The following CCDC170 variants were observed in gnomAD, a reference collection of about 807,000 sequenced individuals.
CCDC170 encodes coiled-coil domain-containing protein 170.
A neutral mutation model predicts 72.6 loss-of-function variants in CCDC170; 69 were observed. That is an observed-to-expected ratio of 0.95 (90% CI 0.78 to 1.16). CCDC170 has a LOEUF of 1.16. CCDC170 is among the 50% of genes most tolerant of loss of function. CCDC170 has a pLI of 0.00. For missense variants in CCDC170, 852 were observed against 832.5 expected (o/e 1.02, Z -0.29); for synonymous variants, 300 against 303.9 (o/e 0.99, Z 0.13).
chr6:151,597,087 A>G lies in CCDC170; in HGVS notation c.1710+510A>G, dbSNP rs564618749. Among the ~76,000 whole-genome samples, 229 of 152,088 alleles carry G rather than the reference A, an allele frequency of 1.5e-3. 2 individuals are homozygous for G. Among genetic ancestry groups the G allele is most frequent in the Non-Finnish European group, 1.2e-3 (83 of 68,002 alleles). On this transcript the variant is annotated intron_variant, in intron 9 of 10. Coordinates refer to ENST00000239374, the MANE Select transcript of CCDC170 (RefSeq NM_025059.4). ...GTGATCCGCCCGCCTTGGCCTCCCA[A>G]AGTGCTGGGATTACAGGCGTGAGCC...
Position 151,504,795 on chromosome 6 carries a change from TGG to T in CCDC170, c.57+10611_57+10612del, listed in dbSNP as rs1298926445. ...TGCAGATTTGGGAGCTACTAGATAC[TGG>T]AAGTGGCTGAGATCGCAGGAGGGCA... On this transcript the variant is annotated intron_variant, in intron 1 of 10. Transcript: ENST00000239374. Among the ~76,000 whole-genome samples the T allele has an allele frequency of 5.3e-5, 8 of 151,376 alleles. No homozygotes were observed. The East Asian group carries it at 1.5e-3, about 29-fold the overall frequency.
At chr6:151,589,382 G>T (rs1269263673) in intron 7 of CCDC170, among the ~76,000 whole-genome samples, 2 of 152,130 alleles carry the variant, frequency 1.3e-5, no homozygotes, top group African/African-American at 4.8e-5. Context: ...TCACCTGCAT[G>T]GTCCGTGAAC....
intron 1 of CCDC170, 38 bp from the exon 2 acceptor site, chr6:151,536,280 T>C: frequency 6.2e-7 from 1 of 1,606,886 alleles, no homozygotes; most frequent in East Asian, 2.2e-5. Flanking sequence ...CGTTTAACAC[T>C]CTTCTTTATA....
In CCDC170 at chr6:151,620,738, G is replaced by A. The variant is rs1187075973; in HGVS notation, c.*2591G>A. ...TATAATCTTTAATAAACTTGATTTA[G>A]TTTCTTGGGAAATTTATTTTCTACG... On this transcript the variant is annotated 3_prime_UTR_variant, in exon 11 of 11. Transcript: ENST00000239374. The A allele has an allele frequency of 1.3e-5, 2 of 151,840 alleles. No individual in the cohort carries two copies. Among genetic ancestry groups the A allele is most frequent in the Admixed American group, 1.3e-4 (2 of 15,256 alleles). 9.4% of individuals were successfully genotyped at this position (151,840 alleles called of 1,614,324 possible). A position where few individuals can be genotyped will look rare whatever the true frequency, so the allele number is the denominator to read the frequency against.
At chr6:151,582,962 A>G (rs1776398918) in intron 6 of CCDC170, among the ~76,000 whole-genome samples, 1 of 148,006 alleles carries the variant, frequency 6.8e-6, no homozygotes, top group Admixed American at 6.7e-5. Context: ...TCCACACTGT[A>G]TCAGTGTGTT....
intron 1 of CCDC170, among the ~76,000 whole-genome samples, chr6:151,523,581 G>A (rs1398234955): frequency 1.3e-5 from 2 of 151,844 alleles, no homozygotes; most frequent in Non-Finnish European, 1.5e-5. Flanking sequence ...AGCTACTCGG[G>A]ACGCTGAGGC....
At chr6:151,605,466 T>C (rs1197426183) in intron 9 of CCDC170, among the ~76,000 whole-genome samples, 1 of 152,214 alleles carries the variant, frequency 6.6e-6, no homozygotes, top group African/African-American at 2.4e-5. Context: ...TTTCCTTCAG[T>C]CAGGTTAAAG....
In CCDC170 at chr6:151,548,331, T is replaced by G; in HGVS notation, c.616T>G (p.Phe206Val). ...TAGAGACCTGCGCAAAGAAAATGAA[T>G]TCGTGAAAGGACAAATTGTTATTCT... ...KLRDLRKENEFVKGQIVILEE... is the reference protein window; with the variant it reads ...KLRDLRKENEVVKGQIVILEE... Residue 206 changes from phenylalanine (F) to valine (V), a missense_variant, in exon 5 of 11, where the codon TTC (phenylalanine) becomes GTC (valine). By Grantham distance (50) the Phe-to-Val change is conservative. Coordinates refer to ENST00000239374, the MANE Select transcript of CCDC170 (RefSeq NM_025059.4). The G allele has an allele frequency of 1.3e-6, 2 of 1,594,482 alleles. 1 individual carries two copies. Among genetic ancestry groups the G allele is most frequent in the Non-Finnish European group, 1.7e-6 (2 of 1,169,718 alleles).
At chr6:151,525,583 C>T (rs796408366) in intron 1 of CCDC170, among the ~76,000 whole-genome samples, 4 of 152,280 alleles carry the variant, frequency 2.6e-5, no homozygotes, top group African/African-American at 9.6e-5. Context: ...AAGATCCACC[C>T]CCTGACCACA....
intron 1 of CCDC170, among the ~76,000 whole-genome samples, chr6:151,517,404 C>T (rs1782251340): frequency 6.6e-6 from 1 of 151,842 alleles, no homozygotes; most frequent in African/African-American, 2.4e-5. Flanking sequence ...CTGAGGACTC[C>T]CATACCCTTA....
chr6:151,517,959 A>G (rs1045413918), intron 1 of CCDC170, among the ~76,000 whole-genome samples: 6 of 151,356 alleles, frequency 4.0e-5, no homozygotes, highest in African/African-American at 7.3e-5. Flanking sequence ...CACACTGGAT[A>G]AGAAATAGCC....
intron 5 of CCDC170, among the ~76,000 whole-genome samples, chr6:151,568,459 A>G: frequency 6.6e-6 from 1 of 152,194 alleles, no homozygotes; most frequent in Non-Finnish European, 1.5e-5. Flanking sequence ...GTGCATGTGT[A>G]TATTTGTGCT....
In CCDC170 at chr6:151,620,063, T is replaced by G. The variant is rs180901806; in HGVS notation, c.*1916T>G. 5.9e-5 allele frequency: 9 copies of G among 152,048 alleles called. No individual in the cohort carries two copies. The highest frequency in any genetic ancestry group is 5.2e-4 in the Admixed American group (8 of 15,286). 9.4% of individuals were successfully genotyped at this position (152,048 alleles called of 1,614,324 possible). ...TTTTAAGCTTGACAAATGCACTGATTGTTATACTTTAAATAACTAAAAATC... is the reference window on the plus strand; with the variant it reads ...TTTTAAGCTTGACAAATGCACTGATGGTTATACTTTAAATAACTAAAAATC... On this transcript the variant is annotated 3_prime_UTR_variant, in exon 11 of 11. Transcript: ENST00000239374.
At chr6:151,601,690 C>G (rs779989820) in intron 9 of CCDC170, among the ~76,000 whole-genome samples, 2 of 152,010 alleles carry the variant, frequency 1.3e-5, no homozygotes, top group African/African-American at 4.8e-5. Context: ...GACTGGAGAC[C>G]CAGGTAGAGC....
intron 6 of CCDC170, among the ~76,000 whole-genome samples, chr6:151,578,928 A>C (rs1197158401): frequency 6.6e-6 from 1 of 152,178 alleles, no homozygotes; most frequent in Non-Finnish European, 1.5e-5. Context: ...CTCTGGTGAA[A>C]TCAATGCATA....
chr6:151,558,333 T>C (rs1365191571), intron 5 of CCDC170, among the ~76,000 whole-genome samples: 1 of 149,708 alleles, frequency 6.7e-6, no homozygotes, highest in Non-Finnish European at 1.5e-5. Flanking sequence ...AAATATTTTC[T>C]CCCATTCAGC....
chr6:151,571,805 A>G (rs1776223286), intron 5 of CCDC170, among the ~76,000 whole-genome samples: 2 of 152,222 alleles, frequency 1.3e-5, no homozygotes, highest in East Asian at 1.9e-4. Flanking sequence ...TACACAGGTA[A>G]CCTTCTTTAT....
rs1326529368 is a variant in CCDC170, at chr6:151,593,237, C to T, written c.1424C>T (p.Ala475Val). ...TEQLVRLESN[A>V]VIENKTIAHN... The stretch of plus-strand genomic sequence containing the variant: ...CAGCTGGTTCGTCTTGAGAGCAATG[C>T]AGTCATTGAGAACAAGACCATTGCC... Residue 475 changes from alanine to valine, a missense_variant, in exon 8 of 11, where the codon GCA becomes GTA. Transcript: ENST00000239374. 6 of 1,614,040 alleles carry T rather than the reference C, an allele frequency of 3.7e-6. No homozygotes were observed. In the African/African-American group the frequency reaches 6.7e-5, roughly 18 times the overall value.
intron 1 of CCDC170, among the ~76,000 whole-genome samples, chr6:151,494,593 TAG>T (rs1383288806): frequency 6.6e-6 from 1 of 152,068 alleles, no homozygotes; most frequent in Non-Finnish European, 1.5e-5. Context: ...CAGCCCGGAG[TAG>T]AGTCACCGGC....
Sources: gnomAD v4.1 joint callset for allele counts (sites outside exome capture counted in the v4.1 genomes callset) on GRCh38, gnomAD v4.1.1 for gene constraint, MANE v1.5 for transcripts, NCBI Gene and HGNC (gene_info 2026-07-23, HGNC 2026-07-21) for gene names.